KCNJ18: variants seen among roughly 807,000 people sequenced by gnomAD.
KCNJ18 encodes inward rectifier potassium channel 18.
In KCNJ18, 16 loss-of-function variants were observed where a neutral mutation model predicts 17.3. The ratio of observed to expected loss-of-function variants is 0.92; its 90% CI spans 0.62 to 1.40. The LOEUF is 1.40. Ranked by LOEUF, KCNJ18 falls within the 40% of genes most tolerant of loss-of-function variation. The pLI is 0.00. For missense variants in KCNJ18, 462 were observed against 626.8 expected, an observed-to-expected ratio of 0.74 and a Z score of 2.81; for synonymous variants, 185 against 262.6, an observed-to-expected ratio of 0.70 and a Z score of 2.86.
chr17:21,695,127 TCATC>T (rs1331343015), intron 1 of KCNJ18, among the ~76,000 whole-genome samples: 2 of 151,738 alleles, frequency 1.3e-5, no homozygotes, highest in African/African-American at 4.9e-5. Context: ...ACCCTTCTGT[TCATC>T]CATCCATCCA....
At chr17:21,695,568 G>C (rs1905735920) in intron 1 of KCNJ18, among the ~76,000 whole-genome samples, 1 of 152,288 alleles carries the variant, frequency 6.6e-6, no homozygotes, top group South Asian at 2.1e-4. Flanking sequence ...GTGGTGGCTG[G>C]GAGTACAGGC....
chr17:21,701,146 A>G (rs1354739063), intron 2 of KCNJ18, among the ~76,000 whole-genome samples: 1 of 152,232 alleles, frequency 6.6e-6, no homozygotes, highest in East Asian at 1.9e-4. Context: ...TGTCACTGAC[A>G]GGCCGGTGTG....
At chr17:21,696,219 C>T (rs1905754657) in intron 2 of KCNJ18, 115 bp downstream of exon 2, 4 of 152,050 alleles carry the variant, frequency 2.6e-5, no homozygotes, top group Admixed American at 2.6e-4. Flanking sequence ...TCACCCATTC[C>T]CCCACCCATT....
rs1403520518 is a variant in KCNJ18 at position 21,703,520 on chromosome 17, C to T, written c.734C>T (p.Pro245Leu). 3.1e-3 allele frequency: 4,899 copies of T among 1,605,068 alleles called. 4 individuals carry two copies. Among genetic ancestry groups the T allele is most frequent in the Non-Finnish European group, 1.8e-3 (2,104 of 1,176,336 alleles). The change falls in exon 3 of 3, where the codon CCG (proline) becomes CTG (leucine). Residue 245 changes from proline to leucine, a missense_variant. By Grantham distance (98) the Pro-to-Leu change is moderately conservative. This residue lies in a region of KCNJ18 where 27 missense variants were observed against 119.2 expected (regional missense o/e 0.23). Transcript: ENST00000567955. ...PRVTEEGEYI[P>L]LDQIDIDVGF... is the part of the protein sequence containing the mutation. ...GTCACCGAGGAGGGCGAGTACATCC[C>T]GCTGGACCAGATCGACATCGATGTG...
At chr17:21,699,491 TCA>T (rs1192536781) in intron 2 of KCNJ18, among the ~76,000 whole-genome samples, 3 of 147,764 alleles carry the variant, frequency 2.0e-5, no homozygotes, top group East Asian at 4.3e-4. Flanking sequence ...TCTCTCTCTC[TCA>T]CACACACACA....
chr17:21,703,977 C>A lies in KCNJ18; in HGVS notation c.1191C>A (p.Asp397Glu), dbSNP rs1393140118. 6.3e-7 allele frequency: 1 copy of A among 1,598,152 alleles called. No individual in the cohort carries two copies. ...DEEDEADGDQ[D>E]GRSRDGLSPQ... Reference sequence around the variant, plus strand: ...AGGATGAGGCGGACGGAGACCAGGACGGCCGAAGCCGGGATGGCCTCAGCC... The same window carrying A: ...AGGATGAGGCGGACGGAGACCAGGAAGGCCGAAGCCGGGATGGCCTCAGCC... Residue 397 changes from aspartate (D) to glutamate (E), a missense_variant, in exon 3 of 3, where the codon GAC becomes GAA. Asp to Glu is a conservative substitution (Grantham distance 45). This residue lies in a region of KCNJ18 where 123 missense variants were observed against 117.5 expected (regional missense o/e 1.05). Coordinates refer to ENST00000567955, the MANE Select transcript of KCNJ18 (RefSeq NM_001194958.2).
At chr17:21,699,395 G>C (rs1394218219) in intron 2 of KCNJ18, among the ~76,000 whole-genome samples, 1 of 152,054 alleles carries the variant, frequency 6.6e-6, no homozygotes, top group Non-Finnish European at 1.5e-5. Context: ...TCTATGCCAG[G>C]GTCCCCTTCT....
chr17:21,694,952 C>T (rs1204796989), intron 1 of KCNJ18, among the ~76,000 whole-genome samples: 2 of 152,236 alleles, frequency 1.3e-5, no homozygotes, highest in African/African-American at 4.8e-5. Flanking sequence ...TTCACTCACC[C>T]ATCCATCCAC....
Position 21,698,842 on chromosome 17 carries a change from C to T in KCNJ18, c.-57+2738C>T, listed in dbSNP as rs1314198598. ...TGGCCAGCAGGAAAGCAGGGATCTC[C>T]GGGGGTCTGCCGGGCCCGCGCTCTC... On this transcript the variant is annotated intron_variant, in intron 2 of 2. Coordinates refer to ENST00000567955, the MANE Select transcript of KCNJ18 (RefSeq NM_001194958.2). Among the ~76,000 whole-genome samples the T allele has an allele frequency of 1.4e-4, 22 of 152,356 alleles. No individual in the cohort carries two copies. The East Asian group carries it at 1.7e-3, about 12-fold the overall frequency.
At chr17:21,697,268 C>T (rs1478864004) in intron 2 of KCNJ18, among the ~76,000 whole-genome samples, 1 of 152,308 alleles carries the variant, frequency 6.6e-6, no homozygotes, top group South Asian at 2.1e-4. Flanking sequence ...ATGCCCTGCA[C>T]ACAGTGATGT....
chr17:21,698,482 C>T (rs1291201006), intron 2 of KCNJ18, among the ~76,000 whole-genome samples: 2 of 151,988 alleles, frequency 1.3e-5, no homozygotes, highest in African/African-American at 2.4e-5. Flanking sequence ...GGGCTGTTGG[C>T]GCCTCCCCCT....
At chr17:21,701,755 A>T (rs1905960418) in intron 2 of KCNJ18, among the ~76,000 whole-genome samples, 1 of 152,268 alleles carries the variant, frequency 6.6e-6, no homozygotes, top group Non-Finnish European at 1.5e-5. Flanking sequence ...TACTTAAAAT[A>T]CAAAAGTTAG....
At chr17:21,699,134 G>C (rs1905856556) in intron 2 of KCNJ18, among the ~76,000 whole-genome samples, 1 of 152,180 alleles carries the variant, frequency 6.6e-6, no homozygotes, top group Non-Finnish European at 1.5e-5. Flanking sequence ...TGTGAAATGG[G>C]GAGCCAGCCT....
chr17:21,701,441 G>GTCAGCCAGGGCGCAGCCGAT (rs1905946661), intron 2 of KCNJ18, among the ~76,000 whole-genome samples: 10 of 149,308 alleles, frequency 6.7e-5, no homozygotes, highest in Non-Finnish European at 1.0e-4. Flanking sequence ...CCTCGGCTGA[G>GTCAGCCAGGGCGCAGCCGAT]GTCAGCCAGG....
At chr17:21,698,823 G>T (rs1414713205) in intron 2 of KCNJ18, among the ~76,000 whole-genome samples, 1 of 152,262 alleles carries the variant, frequency 6.6e-6, no homozygotes, top group Non-Finnish European at 1.5e-5. Context: ...ACTGTGGCCA[G>T]CAGGAAAGCA....
At chr17:21,701,772 G>A (rs1452401457) in intron 2 of KCNJ18, among the ~76,000 whole-genome samples, 3 of 152,278 alleles carry the variant, frequency 2.0e-5, no homozygotes, top group Admixed American at 6.5e-5. Context: ...TTAGCTGGAT[G>A]TGGTGGCGGG....
chr17:21,697,626 C>T (rs1905802081), intron 2 of KCNJ18, among the ~76,000 whole-genome samples: 1 of 152,308 alleles, frequency 6.6e-6, no homozygotes, highest in Non-Finnish European at 1.5e-5. Context: ...CTCCTGGCTG[C>T]CTGTGCCCAG....
chr17:21,699,691 A>G (rs1905875015), intron 2 of KCNJ18, among the ~76,000 whole-genome samples: 1 of 152,306 alleles, frequency 6.6e-6, no homozygotes, highest in Non-Finnish European at 1.5e-5. Flanking sequence ...AACCACGCAG[A>G]GAGGAACGTC....
At chr17:21,699,793 A>G (rs1905880904) in intron 2 of KCNJ18, among the ~76,000 whole-genome samples, 1 of 152,298 alleles carries the variant, frequency 6.6e-6, no homozygotes, top group African/African-American at 2.4e-5. Flanking sequence ...CTGTGGCAGC[A>G]CCCTCACCAG....
Sources: gnomAD v4.1 joint callset for allele counts (sites outside exome capture counted in the v4.1 genomes callset) on GRCh38, gnomAD v4.1.1 for gene constraint, gnomAD v4.1.1 regional missense constraint, MANE v1.5 for transcripts, NCBI Gene and HGNC (gene_info 2026-07-23, HGNC 2026-07-21) for gene names.